Variants in KDM3A observed in about 807,000 individuals in gnomAD.
KDM3A encodes the protein lysine-specific demethylase 3A.
A neutral mutation model predicts 158.0 loss-of-function variants in KDM3A; 60 were observed. The observed-to-expected ratio is 0.38, with a 90% CI of 0.31 to 0.47. KDM3A has a LOEUF of 0.47. KDM3A is among the 20% of genes least tolerant of loss of function. KDM3A has a pLI of 0.99. For missense variants in KDM3A, 1,319 were observed against 1,574.3 expected, an observed-to-expected ratio of 0.84 and a Z score of 2.74; for synonymous variants, 608 against 549.3, an observed-to-expected ratio of 1.11 and a Z score of -1.49.
chr2:86,471,373 G>GTA (rs374732697), intron 11 of KDM3A, among the ~76,000 whole-genome samples: 2 of 151,224 alleles, frequency 1.3e-5, no homozygotes, highest in Non-Finnish European at 2.9e-5. Context: ...GTGTATATAT[G>GTA]TATATATATG....
rs143294096 is a variant in KDM3A at position 86,472,751 on chromosome 2, C to T, written c.1725-2025C>T. Among the ~76,000 whole-genome samples, 872 of 152,222 alleles carry T rather than the reference C, an allele frequency of 5.7e-3. 7 individuals are homozygous for T. Among genetic ancestry groups the T allele is most frequent in the African/African-American group, 0.019 (775 of 41,528 alleles). On this transcript the variant is annotated intron_variant, in intron 11 of 25. Coordinates refer to ENST00000312912, the MANE Select transcript of KDM3A (RefSeq NM_018433.6). ...GCCCACTGCCTAGCAAAGTCAAGGT[C>T]CCCAATGAAATACTGAAGGCTTTCA...
chr2:86,454,307 C>A (rs1672596195), intron 4 of KDM3A, among the ~76,000 whole-genome samples: 1 of 152,148 alleles, frequency 6.6e-6, no homozygotes, highest in South Asian at 2.1e-4. Flanking sequence ...AGATGTGGTT[C>A]AAAATTTTCC....
At chr2:86,466,938 T>C in intron 10 of KDM3A, 55 bp downstream of exon 10, 2 of 1,330,080 alleles carry the variant, frequency 1.5e-6, no homozygotes, top group Non-Finnish European at 2.0e-6. Flanking sequence ...TAGATATATA[T>C]ATCTCTTTCT....
intron 19 of KDM3A, 132 bp downstream of exon 19, chr2:86,484,290 C>G: frequency 1.5e-6 from 1 of 688,592 alleles, no homozygotes; most frequent in Non-Finnish European, 2.5e-6. Context: ...TAACGTCTCT[C>G]CTCCCCTTCC....
rs1682755596 is a variant in KDM3A at position 86,442,204 on chromosome 2, C to T, written c.157C>T (p.His53Tyr). ...WLSGTIRAVSHTDVTKKDLKV... is the reference protein window; with the variant it reads ...WLSGTIRAVSYTDVTKKDLKV... ...CTCCGGGACCATTCGAGCTGTTTCC[C>T]ACACCGACGTTACCAAGAAGGATCT... Residue 53 changes from histidine (H) to tyrosine (Y), a missense_variant, in exon 2 of 26, where the codon CAC (histidine) becomes TAC (tyrosine). Physicochemically the swap from His to Tyr is moderately conservative, Grantham distance 83. This residue lies in a region of KDM3A where 652 missense variants were observed against 627.2 expected (regional missense o/e 1.04). Transcript: ENST00000312912. 1 of 1,611,670 alleles carries T rather than the reference C, an allele frequency of 6.2e-7. No individual in the cohort carries two copies. Among genetic ancestry groups the T allele is most frequent in the Admixed American group, 1.7e-5 (1 of 59,806 alleles).
intron 4 of KDM3A, 149 bp downstream of exon 4, chr2:86,451,362 C>T (rs1029987332): frequency 2.0e-6 from 1 of 509,268 alleles, no homozygotes; most frequent in Non-Finnish European, 3.4e-6. Flanking sequence ...ACTTTGATTC[C>T]CTCCAAACTC....
intron 10 of KDM3A, among the ~76,000 whole-genome samples, chr2:86,469,938 A>T (rs531302750): frequency 6.6e-6 from 1 of 152,284 alleles, no homozygotes; most frequent in Non-Finnish European, 1.5e-5. Flanking sequence ...TTAACTTTGA[A>T]TTGTGAGTCT....
In KDM3A at chr2:86,484,613, C is replaced by T. The variant is rs1330515614; in HGVS notation, c.3095-329C>T. The T allele has an allele frequency of 1.1e-5, 3 of 270,866 alleles. No homozygotes were observed. In the East Asian group the frequency reaches 2.4e-4, roughly 21 times the overall value. The allele number at this position is 270,866 out of a possible 1,614,324, so 16.8% of individuals were successfully genotyped here. Reference sequence around the variant, plus strand: ...AGTGGGCAAAAGGGAGCGGCTGAATCTCCCAAGAATGAGTAGCAGCTTAAT... The same window carrying T: ...AGTGGGCAAAAGGGAGCGGCTGAATTTCCCAAGAATGAGTAGCAGCTTAAT... On this transcript the variant is annotated intron_variant, in intron 19 of 25. Transcript: ENST00000312912.
chr2:86,440,914 T>C (rs1167212641), upstream of KDM3A: 5 of 152,356 alleles, frequency 3.3e-5, no homozygotes. Context: ...TTCCGCCAAG[T>C]GGAAGGCTCA....
chr2:86,474,912 A>C lies in KDM3A; in HGVS notation c.1861A>C (p.Ile621Leu). 6.2e-7 allele frequency: 1 copy of C among 1,614,120 alleles called. No individual in the cohort carries two copies. The highest frequency in any genetic ancestry group is 8.5e-7 in the Non-Finnish European group (1 of 1,180,010). ...GATTGATTTGGACACAGCAAAGTACATCTTGGCCAACATTGGAGACCACTT... is the reference window on the plus strand; with the variant it reads ...GATTGATTTGGACACAGCAAAGTACCTCTTGGCCAACATTGGAGACCACTT... ...VGIDLDTAKYILANIGDHFCQ... is the reference protein window; with the variant it reads ...VGIDLDTAKYLLANIGDHFCQ... The change falls in exon 12 of 26, where the codon ATC becomes CTC. Residue 621 changes from isoleucine (I) to leucine (L), a missense_variant. This residue lies in a region of KDM3A where 113 missense variants were observed against 190.5 expected (regional missense o/e 0.59). Coordinates refer to ENST00000312912, the MANE Select transcript of KDM3A (RefSeq NM_018433.6).
At chr2:86,442,299 T>G (rs1682760248) in intron 2 of KDM3A, 66 bp downstream of exon 2, 1 of 1,435,096 alleles carries the variant, frequency 7.0e-7, no homozygotes, top group African/African-American at 1.4e-5. Context: ...CGACCATCGG[T>G]TCCCTCCTTC....
intron 8 of KDM3A, among the ~76,000 whole-genome samples, chr2:86,460,226 TTG>T (rs1478114902): frequency 3.9e-5 from 6 of 152,210 alleles, no homozygotes; most frequent in African/African-American, 1.4e-4. Context: ...CTGATTTTTT[TTG>T]TTAGTTTTTT....
chr2:86,470,736 T>C (rs193180788), intron 11 of KDM3A, among the ~76,000 whole-genome samples: 1 of 152,336 alleles, frequency 6.6e-6, no homozygotes, highest in African/African-American at 2.4e-5. Flanking sequence ...GATCATAAAA[T>C]GTATACCTAG....
intron 8 of KDM3A, among the ~76,000 whole-genome samples, chr2:86,462,319 A>G (rs898925572): frequency 2.6e-5 from 4 of 152,158 alleles, no homozygotes; most frequent in African/African-American, 9.7e-5. Flanking sequence ...GTATTAGTGC[A>G]TCAATTCTAA....
intron 2 of KDM3A, among the ~76,000 whole-genome samples, chr2:86,445,832 A>G (rs1178033853): frequency 2.0e-5 from 3 of 152,234 alleles, no homozygotes; most frequent in African/African-American, 7.2e-5. Context: ...ATTTAGGCAT[A>G]AGAAGACATA....
chr2:86,439,540 T>C (rs577897876), upstream of KDM3A, among the ~76,000 whole-genome samples: 14 of 152,212 alleles, frequency 9.2e-5, no homozygotes, highest in African/African-American at 2.9e-4. Context: ...AGAAAGTATA[T>C]GTTCCTTCAG....
rs754981924 is a variant in KDM3A at position 86,492,174 on chromosome 2, G to C, written c.*55G>C. 27 of 1,296,300 alleles carry C rather than the reference G, an allele frequency of 2.1e-5. No homozygotes were observed. The African/African-American group carries it at 2.9e-4, about 14-fold the overall frequency. The allele number at this position is 1,296,300 out of a possible 1,614,324, so 80.3% of individuals were successfully genotyped here. A position where few individuals can be genotyped will look rare whatever the true frequency, so the allele number is the denominator to read the frequency against. Reference sequence around the variant, plus strand: ...GCAGCTGTTCAAACTCTTCAGGCAGGATTCCTGTGGACTTTGAGATTCATG... The same window carrying C: ...GCAGCTGTTCAAACTCTTCAGGCAGCATTCCTGTGGACTTTGAGATTCATG... On this transcript the variant is annotated 3_prime_UTR_variant, in exon 26 of 26. Transcript: ENST00000312912.
At chr2:86,445,177 C>T (rs1558601828) in intron 2 of KDM3A, among the ~76,000 whole-genome samples, 1 of 152,002 alleles carries the variant, frequency 6.6e-6, no homozygotes. Flanking sequence ...TCCCTAGCAC[C>T]GAGAACACTG....
chr2:86,467,510 T>TTTAA (rs1307917231), intron 10 of KDM3A: 1 of 152,202 alleles, frequency 6.6e-6, no homozygotes, highest in African/African-American at 2.4e-5. Context: ...GCACCCACAA[T>TTTAA]TTAAAACTAC....
Sources: gnomAD v4.1 joint callset for allele counts (sites outside exome capture counted in the v4.1 genomes callset) on GRCh38, gnomAD v4.1.1 for gene constraint, gnomAD v4.1.1 regional missense constraint, MANE v1.5 for transcripts, NCBI Gene and HGNC (gene_info 2026-07-23, HGNC 2026-07-21) for gene names.